Variants in YKT6 observed in about 807,000 individuals in gnomAD.
YKT6 encodes YKT6 vesicular SNARE protein, also known as synaptobrevin homolog YKT6.
In YKT6, 12 loss-of-function variants were observed where a neutral mutation model predicts 29.3. The observed-to-expected ratio is 0.41, with a 90% CI of 0.26 to 0.66. YKT6 has a LOEUF of 0.66. YKT6 is among the 30% of genes least tolerant of loss of function. The probability of loss-of-function intolerance (pLI) is 0.32; values close to 1 mark genes in which losing one functional copy is unlikely to be tolerated. For missense variants in YKT6, 188 were observed against 243.8 expected, an observed-to-expected ratio of 0.77 and a Z score of 1.52; for synonymous variants, 86 against 94.3, an observed-to-expected ratio of 0.91 and a Z score of 0.51.
chr7:44,207,894 T>C (rs980424871), intron 4 of YKT6, among the ~76,000 whole-genome samples: 1 of 151,926 alleles, frequency 6.6e-6, no homozygotes, highest in African/African-American at 2.4e-5. Context: ...CCTGGCTAAT[T>C]TTTGTATTTT....
chr7:44,212,164 C>T, intron 6 of YKT6, 83 bp from the exon 7 acceptor site: 1 of 1,553,856 alleles, frequency 6.4e-7, no homozygotes, highest in Non-Finnish European at 8.9e-7. Flanking sequence ...TCCTGTGGAG[C>T]TCCCTCTGCC....
chr7:44,206,285 C>G, intron 2 of YKT6, 100 bp from the exon 3 acceptor site: 4 of 1,235,048 alleles, frequency 3.2e-6, no homozygotes, highest in African/African-American at 1.5e-5. Context: ...TTCCGAGTGG[C>G]TTCATTTGGC....
At chr7:44,205,801 G>GT (rs2128839159) in intron 2 of YKT6, among the ~76,000 whole-genome samples, 1 of 152,340 alleles carries the variant, frequency 6.6e-6, no homozygotes, top group South Asian at 2.1e-4. Flanking sequence ...ACAGTGCTCT[G>GT]GAGGCCTTAG....
chr7:44,208,473 A>G (rs1022113319), intron 5 of YKT6: 1 of 411,858 alleles, frequency 2.4e-6, no homozygotes, highest in African/African-American at 2.0e-5. Flanking sequence ...CTGTCTGACC[A>G]TTTACTGGGT....
chr7:44,204,183 C>T (rs2096338590), intron 1 of YKT6, among the ~76,000 whole-genome samples: 1 of 152,224 alleles, frequency 6.6e-6, no homozygotes. Flanking sequence ...GCACACTATT[C>T]TTCTAGTGCA....
In YKT6 at chr7:44,213,958, CGGAGT is replaced by C. The variant is rs2096349546; in HGVS notation, c.*1684_*1688del. ...TCAGCCTGCCCACTGGTGCCGGAGA[CGGAGT>C]GGAGTGGGCCTGGATCCGAGGGATG... is the stretch of plus-strand genomic sequence containing the variant. On this transcript the variant is annotated 3_prime_UTR_variant, in exon 7 of 7. Transcript: ENST00000223369. The C allele has an allele frequency of 6.6e-6, 1 of 152,354 alleles. No individual in the cohort carries two copies. The allele number at this position is 152,354 out of a possible 1,614,324, so 9.4% of individuals were successfully genotyped here.
intron 5 of YKT6, chr7:44,210,720 G>GTA: frequency 4.4e-6 from 2 of 453,134 alleles, no homozygotes; most frequent in South Asian, 1.7e-5. Context: ...ATAAATGTGT[G>GTA]TGTATATATA....
chr7:44,211,267 A>G (rs1237474963), intron 6 of YKT6, 143 bp downstream of exon 6: 1 of 844,020 alleles, frequency 1.2e-6, no homozygotes, highest in Non-Finnish European at 1.8e-6. Flanking sequence ...GCAAGAGCCT[A>G]AGGTGAGCGC....
intron 4 of YKT6, 53 bp from the exon 5 acceptor site, chr7:44,208,080 G>A (rs948008724): frequency 1.6e-5 from 26 of 1,585,778 alleles, no homozygotes; most frequent in Non-Finnish European, 1.8e-5. Flanking sequence ...TTTAGGTTTT[G>A]TTTGCAGGTA....
At chr7:44,207,360 G>T (rs1657858591) in intron 3 of YKT6, 28 bp from the exon 4 acceptor site, 29 of 1,606,862 alleles carry the variant, frequency 1.8e-5, no homozygotes, top group Non-Finnish European at 2.4e-5. Context: ...CACAGTGGGA[G>T]GCTTGTTGAG....
intron 5 of YKT6, 79 bp from the exon 6 acceptor site, chr7:44,210,944 C>G (rs529980027): frequency 2.0e-6 from 3 of 1,484,950 alleles, no homozygotes; most frequent in Middle Eastern, 3.6e-4. Flanking sequence ...AAGGCACTTT[C>G]CCCCATGACT....
chr7:44,208,724 T>C (rs945330393), intron 5 of YKT6: 2 of 152,528 alleles, frequency 1.3e-5, no homozygotes, highest in African/African-American at 4.8e-5. Context: ...GATTTGTAAC[T>C]GTTGCTTCAA....
chr7:44,211,287 A>G (rs1483653099), intron 6 of YKT6, among the ~76,000 whole-genome samples, 163 bp downstream of exon 6: 2 of 152,168 alleles, frequency 1.3e-5, no homozygotes, highest in Admixed American at 6.5e-5. Flanking sequence ...CCTCAGGCCC[A>G]GGTGGTTGGA....
At chr7:44,208,511 G>C in intron 5 of YKT6, 1 of 340,822 alleles carries the variant, frequency 2.9e-6, no homozygotes, top group Non-Finnish European at 5.6e-6. Context: ...TGAAGACCTG[G>C]ATTCCCACCC....
chr7:44,211,412 G>C, intron 6 of YKT6: 1 of 597,898 alleles, frequency 1.7e-6, no homozygotes, highest in Non-Finnish European at 2.4e-6. Flanking sequence ...TCCCAGTCCA[G>C]GAAGGCTGGT....
At chr7:44,201,519 T>A (rs982999956) in intron 1 of YKT6, among the ~76,000 whole-genome samples, 7 of 152,216 alleles carry the variant, frequency 4.6e-5, no homozygotes, top group Admixed American at 3.9e-4. Context: ...CAACATTAGC[T>A]CTTTAAGAGC....
In YKT6 at chr7:44,207,473, G is replaced by T; in HGVS notation, c.374G>T (p.Gly125Val). 6.2e-7 allele frequency: 1 copy of T among 1,614,080 alleles called. No homozygotes were observed. The highest frequency in any genetic ancestry group is 8.5e-7 in the Non-Finnish European group (1 of 1,179,972). The stretch of plus-strand genomic sequence containing the variant: ...ACAATCCATTACCCAGCCCTGGATG[G>T]TCACCTCAGTAGATACCAGGTAGGG... Reference protein sequence around the residue: ...PATIHYPALDGHLSRYQNPRE... With the variant: ...PATIHYPALDVHLSRYQNPRE... The change falls in exon 4 of 7, where the codon GGT (glycine) becomes GTT (valine). Residue 125 changes from glycine to valine, a missense_variant. Transcript: ENST00000223369.
At position 44,212,348 on chromosome 7, in the gene YKT6, A is replaced by G. The variant is rs2096347746; in HGVS notation, c.*66A>G. 1.9e-6 allele frequency: 3 copies of G among 1,589,358 alleles called. No individual in the cohort carries two copies. Among genetic ancestry groups the G allele is most frequent in the Non-Finnish European group, 1.7e-6 (2 of 1,161,688 alleles). ...TTCACATCAGAACTGCAGCCCCTGG[A>G]AAAGAAGAGACAGCCATAGACGAGG... On this transcript the variant is annotated 3_prime_UTR_variant, in exon 7 of 7. Transcript: ENST00000223369.
chr7:44,205,766 C>CT (rs1398864230), intron 2 of YKT6, among the ~76,000 whole-genome samples: 22 of 152,282 alleles, frequency 1.4e-4, no homozygotes, highest in African/African-American at 5.3e-4. Context: ...ACAACTGTAC[C>CT]TTTCAATCAT....
Sources: allele counts gnomAD v4.1 joint callset (sites outside exome capture counted in the v4.1 genomes callset), GRCh38; gene constraint gnomAD v4.1.1; transcripts MANE v1.5; gene names NCBI Gene and HGNC (gene_info 2026-07-23, HGNC 2026-07-21).